The following ROBO1 variants were observed in gnomAD, a reference collection of about 807,000 sequenced individuals.
ROBO1 encodes roundabout homolog 1.
In ROBO1, 149 loss-of-function variants were observed where a neutral mutation model predicts 195.9. That is an observed-to-expected ratio of 0.76 (90% confidence interval 0.67 to 0.87). The LOEUF is 0.87. Ranked by LOEUF, ROBO1 falls within the 40% of genes least tolerant of loss-of-function variation. The pLI, the probability that ROBO1 is intolerant of heterozygous loss-of-function variation, is 0.00. For missense variants in ROBO1, 1,933 were observed against 2,068.3 expected (o/e 0.93, Z 1.27); for synonymous variants, 816 against 733.2 (o/e 1.11, Z -1.82).
intron 2 of ROBO1, among the ~76,000 whole-genome samples, chr3:79,398,808 A>C (rs1315805762): frequency 6.6e-6 from 1 of 152,086 alleles, no homozygotes. Flanking sequence ...TTTTTAAAAA[A>C]GGTTATTATT....
At chr3:79,462,566 G>A (rs1937707946) in intron 2 of ROBO1, among the ~76,000 whole-genome samples, 1 of 152,044 alleles carries the variant, frequency 6.6e-6, no homozygotes, top group South Asian at 2.1e-4. Context: ...AGACAATGAA[G>A]CACTTTTGTG....
chr3:79,560,691 T>C (rs1192138846), intron 2 of ROBO1, among the ~76,000 whole-genome samples: 3 of 151,674 alleles, frequency 2.0e-5, no homozygotes, highest in Non-Finnish European at 4.4e-5. Flanking sequence ...GGCATTAGAA[T>C]TATAAAATCA....
At chr3:78,862,234 C>G (rs771628114) in intron 4 of ROBO1, among the ~76,000 whole-genome samples, 2 of 151,846 alleles carry the variant, frequency 1.3e-5, no homozygotes, top group Non-Finnish European at 2.9e-5. Context: ...TGGAGTGAAG[C>G]CACCTGGAAA....
intron 3 of ROBO1, among the ~76,000 whole-genome samples, chr3:78,975,437 T>C (rs554873720): frequency 1.3e-5 from 2 of 152,078 alleles, no homozygotes; most frequent in South Asian, 2.1e-4. Context: ...AGAGAGAATA[T>C]TGAGGGCACA....
intron 2 of ROBO1, among the ~76,000 whole-genome samples, chr3:79,406,172 G>T (rs1270795672): frequency 2.0e-5 from 3 of 151,242 alleles, no homozygotes; most frequent in Admixed American, 1.3e-4. Flanking sequence ...ACCGTAGAGG[G>T]TTCATTTGAG....
intron 2 of ROBO1, among the ~76,000 whole-genome samples, chr3:79,566,434 C>G (rs952989640): frequency 6.6e-6 from 1 of 151,592 alleles, no homozygotes; most frequent in South Asian, 2.1e-4. Flanking sequence ...ATATTTTTAC[C>G]AAGTCTGGAT....
At chr3:79,414,504 ATATT>A (rs1242739551) in intron 2 of ROBO1, among the ~76,000 whole-genome samples, 4 of 152,126 alleles carry the variant, frequency 2.6e-5, no homozygotes, top group African/African-American at 7.2e-5. Flanking sequence ...TGGGTAGTAT[ATATT>A]TATTCATATG....
At chr3:79,508,861 G>A (rs975795827) in intron 2 of ROBO1, among the ~76,000 whole-genome samples, 1 of 152,050 alleles carries the variant, frequency 6.6e-6, no homozygotes, top group African/African-American at 2.4e-5. Flanking sequence ...TAATATGTGG[G>A]CTTTATTGGC....
At chr3:79,114,843 C>A (rs2079961588) in intron 3 of ROBO1, among the ~76,000 whole-genome samples, 1 of 152,112 alleles carries the variant, frequency 6.6e-6, no homozygotes, top group African/African-American at 2.4e-5. Context: ...ATCATGCTAC[C>A]ACTTTTGAGT....
chr3:78,965,595 CTTCT>C (rs2076624115), intron 3 of ROBO1, among the ~76,000 whole-genome samples: 2 of 151,376 alleles, frequency 1.3e-5, no homozygotes, highest in African/African-American at 4.9e-5. Flanking sequence ...AGTAATTTAT[CTTCT>C]TTAAGTATGT....
intron 3 of ROBO1, among the ~76,000 whole-genome samples, chr3:79,076,280 T>C (rs180975221): frequency 0.011 from 1,589 of 147,728 alleles, 13 homozygotes; most frequent in Non-Finnish European, 0.017. Flanking sequence ...TATAAATATA[T>C]AAATATACAT....
intron 2 of ROBO1, among the ~76,000 whole-genome samples, chr3:79,451,715 A>T (rs952428217): frequency 1.3e-5 from 2 of 152,124 alleles, no homozygotes; most frequent in African/African-American, 4.8e-5. Flanking sequence ...TCAAACAACC[A>T]GTACGTGGTA....
chr3:79,399,631 A>G (rs2037287788), intron 2 of ROBO1, among the ~76,000 whole-genome samples: 1 of 152,158 alleles, frequency 6.6e-6, no homozygotes, highest in East Asian at 1.9e-4. Context: ...AATATTTTAA[A>G]CTACTTATAA....
rs185791808 is a variant in ROBO1 at position 79,266,985 on chromosome 3, T to A, written c.89-141446A>T. ...GTTCACTTATATGCTTTTTGTTGGA[T>A]TATTTAGTCCCTCTTGGTGTTAGTA... On this transcript the variant is annotated intron_variant, in intron 2 of 30. Coordinates refer to ENST00000464233, the MANE Select transcript of ROBO1 (RefSeq NM_002941.4). Among the ~76,000 whole-genome samples the A allele has an allele frequency of 5.3e-4, 81 of 151,686 alleles. 1 individual carries two copies. Among genetic ancestry groups the A allele is most frequent in the Non-Finnish European group, 7.4e-5 (5 of 67,640 alleles).
intron 2 of ROBO1, among the ~76,000 whole-genome samples, chr3:79,434,289 A>G (rs1345674238): frequency 1.3e-5 from 2 of 152,222 alleles, no homozygotes; most frequent in Non-Finnish European, 1.5e-5. Flanking sequence ...AACCTACAGA[A>G]TGGGAGAAAA....
chr3:78,630,204 T>C (rs1228858976), intron 25 of ROBO1, among the ~76,000 whole-genome samples: 1 of 152,208 alleles, frequency 6.6e-6, no homozygotes, highest in African/African-American at 2.4e-5. Context: ...TGGACAAATA[T>C]GTTGTGGCTA....
intron 3 of ROBO1, among the ~76,000 whole-genome samples, chr3:78,962,513 C>CTT (rs2041408560): frequency 1.3e-5 from 2 of 151,536 alleles, no homozygotes; most frequent in Non-Finnish European, 2.9e-5. Flanking sequence ...AGAGAACACT[C>CTT]CTCCGCCTTG....
intron 2 of ROBO1, among the ~76,000 whole-genome samples, chr3:79,580,331 A>G (rs1689845390): frequency 6.6e-6 from 1 of 151,846 alleles, no homozygotes; most frequent in Non-Finnish European, 1.5e-5. Flanking sequence ...AAAATTAGCC[A>G]GGCATGGTGG....
At chr3:78,816,134 C>A (rs1364764648) in intron 4 of ROBO1, among the ~76,000 whole-genome samples, 1 of 152,092 alleles carries the variant, frequency 6.6e-6, no homozygotes, top group Admixed American at 6.5e-5. Flanking sequence ...GGAGATAATG[C>A]AGCTGGTGAT....
Sources: allele counts gnomAD v4.1 joint callset (sites outside exome capture counted in the v4.1 genomes callset), GRCh38; gene constraint gnomAD v4.1.1; transcripts MANE v1.5; gene names NCBI Gene and HGNC (gene_info 2026-07-23, HGNC 2026-07-21).